Variants in PGS1 observed in about 807,000 individuals in gnomAD.
PGS1 encodes CDP-diacylglycerol--glycerol-3-phosphate 3-phosphatidyltransferase, mitochondrial.
A neutral mutation model predicts 58.3 loss-of-function variants in PGS1; 44 were observed. The ratio of observed to expected loss-of-function variants is 0.75; its 90% CI spans 0.59 to 0.97. The LOEUF (loss-of-function observed/expected upper bound fraction) is 0.97. PGS1 is among the 50% of genes least tolerant of loss of function. The pLI, the probability that PGS1 is intolerant of heterozygous loss-of-function variation, is 0.00. For synonymous variants in PGS1, 330 were observed against 311.0 expected, an observed-to-expected ratio of 1.06 and a Z score of -0.64; for missense variants, 684 against 731.1, an observed-to-expected ratio of 0.94 and a Z score of 0.74.
intron 3 of PGS1, chr17:78,398,003 G>A (rs941955173): frequency 1.7e-6 from 1 of 581,944 alleles, no homozygotes; most frequent in Non-Finnish European, 3.2e-6. Flanking sequence ...CAGGCAGCAC[G>A]CCTCTGCCTG....
At chr17:78,419,752 A>G in intron 9 of PGS1, 77 bp downstream of exon 9, 1 of 1,589,162 alleles carries the variant, frequency 6.3e-7, no homozygotes, top group Non-Finnish European at 8.6e-7. Context: ...TTCTGACTCA[A>G]CCAGAGCTTC....
chr17:78,392,774 A>T lies in PGS1; in HGVS notation c.333+109A>T, dbSNP rs2082921324. The T allele has an allele frequency of 4.8e-6, 4 of 830,134 alleles. No individual in the cohort carries two copies. The East Asian group carries it at 7.6e-5, about 16-fold the overall frequency. The allele number at this position is 830,134 out of a possible 1,614,324, so 51.4% of individuals were successfully genotyped here. A position where few individuals can be genotyped will look rare whatever the true frequency, so the allele number is the denominator to read the frequency against. ...AAACTTTGGATAGCTGCTCAAGCTTATTCCTTCTGGGTTTTACCTGTCAGG... is the reference window on the plus strand; with the variant it reads ...AAACTTTGGATAGCTGCTCAAGCTTTTTCCTTCTGGGTTTTACCTGTCAGG... On this transcript the variant is annotated intron_variant, in intron 2 of 9. Transcript: ENST00000262764.
At chr17:78,399,281 G>T in intron 4 of PGS1, 67 bp from the exon 5 acceptor site, 1 of 1,264,198 alleles carries the variant, frequency 7.9e-7, no homozygotes, top group South Asian at 1.2e-5. Context: ...CGTGGAGGTG[G>T]CTCCTCATTG....
intron 1 of PGS1, among the ~76,000 whole-genome samples, chr17:78,392,088 A>C (rs767679947): frequency 6.6e-6 from 1 of 152,158 alleles, no homozygotes; most frequent in African/African-American, 2.4e-5. Context: ...CTGCAGGCAA[A>C]TATTTTTGAG....
chr17:78,403,360 A>G (rs2083847887), intron 6 of PGS1, among the ~76,000 whole-genome samples: 1 of 152,142 alleles, frequency 6.6e-6, no homozygotes. Context: ...AGTGTGGGCT[A>G]CTGTGGACCA....
intron 7 of PGS1, among the ~76,000 whole-genome samples, chr17:78,410,954 A>G (rs1270390634): frequency 6.6e-6 from 1 of 152,122 alleles, no homozygotes; most frequent in East Asian, 1.9e-4. Flanking sequence ...TAAGGCTTAT[A>G]CTTTGATGGA....
chr17:78,411,651 C>T (rs1250669255), intron 7 of PGS1, among the ~76,000 whole-genome samples: 2 of 152,170 alleles, frequency 1.3e-5, no homozygotes, highest in Non-Finnish European at 2.9e-5. Flanking sequence ...ACGTCTCCCT[C>T]ATCTGATGGT....
At chr17:78,419,777 A>G (rs1202835177) in intron 9 of PGS1, 102 bp downstream of exon 9, 8 of 1,563,686 alleles carry the variant, frequency 5.1e-6, no homozygotes, top group Non-Finnish European at 6.9e-6. Flanking sequence ...GGGCTCTTTG[A>G]TCCCTTTCTC....
intron 2 of PGS1, among the ~76,000 whole-genome samples, chr17:78,394,170 TCCC>T (rs1386407587): frequency 1.4e-5 from 1 of 73,478 alleles, no homozygotes; most frequent in African/African-American, 5.7e-5. Flanking sequence ...AGACTCTATC[TCCC>T]AAAAAAAAAA....
rs1406018465 is a variant in PGS1, at chr17:78,424,535, A to G, written c.*485A>G. 5.1e-6 allele frequency: 1 copy of G among 196,302 alleles called. No homozygotes were observed. The highest frequency in any genetic ancestry group is 2.3e-5 in the African/African-American group (1 of 43,060). 12.2% of individuals were successfully genotyped at this position (196,302 alleles called of 1,614,324 possible). A position where few individuals can be genotyped will look rare whatever the true frequency, so the allele number is the denominator to read the frequency against. Reference sequence around the variant, plus strand: ...TCTGCCCTATGTGTACATACACAATATAATTATACATCTGTGCATATAAAT... The same window carrying G: ...TCTGCCCTATGTGTACATACACAATGTAATTATACATCTGTGCATATAAAT... On this transcript the variant is annotated 3_prime_UTR_variant, in exon 10 of 10. Transcript: ENST00000262764.
rs1335147968 is a variant in PGS1, at chr17:78,399,546, T to A, written c.701+9T>A. ...AGCGTCATCTTGAGCGGGTGAGTGC[T>A]TCCCACCGTCAGTGCTTTTGCCCTC... On this transcript the variant is annotated intron_variant, in intron 5 of 9. Coordinates refer to ENST00000262764, the MANE Select transcript of PGS1 (RefSeq NM_024419.5). 5.0e-6 allele frequency: 8 copies of A among 1,613,528 alleles called. No individual in the cohort carries two copies. In the South Asian group the frequency reaches 7.7e-5, roughly 16 times the overall value.
At chr17:78,406,143 T>C (rs1334361472) in intron 7 of PGS1, among the ~76,000 whole-genome samples, 1 of 151,986 alleles carries the variant, frequency 6.6e-6, no homozygotes, top group Non-Finnish European at 1.5e-5. Flanking sequence ...GGTGAAACCC[T>C]GTTTCTACTA....
chr17:78,422,024 TTAGAGA>T (rs1411270527), intron 9 of PGS1: 2 of 152,218 alleles, frequency 1.3e-5, no homozygotes, highest in Non-Finnish European at 2.9e-5. Flanking sequence ...CTTGGAAAGT[TTAGAGA>T]TAATTTTGTC....
chr17:78,387,303 C>CT (rs552622170), intron 1 of PGS1, among the ~76,000 whole-genome samples: 3,374 of 144,532 alleles, frequency 0.023, 101 homozygotes, highest in African/African-American at 0.076. Flanking sequence ...TGCGCCCAGC[C>CT]TTTTTTTTTT....
At chr17:78,397,498 G>A (rs552429507) in intron 3 of PGS1, among the ~76,000 whole-genome samples, 44 of 151,932 alleles carry the variant, frequency 2.9e-4, no homozygotes, top group African/African-American at 1.0e-3. Context: ...GTGCAATGGC[G>A]CGATCTCGGC....
chr17:78,419,481 A>C (rs927519081), intron 8 of PGS1, 65 bp from the exon 9 acceptor site: 51 of 1,386,270 alleles, frequency 3.7e-5, no homozygotes, highest in Middle Eastern at 2.3e-4. Flanking sequence ...GGCTGGGGCC[A>C]GCCGGCCATG....
chr17:78,396,463 T>C (rs1034413413), intron 3 of PGS1, 78 bp downstream of exon 3: 15 of 1,050,444 alleles, frequency 1.4e-5, no homozygotes, highest in Admixed American at 9.0e-5. Context: ...TGCCATGCAG[T>C]TGGTGTGGAG....
At chr17:78,382,682 GC>G in intron 1 of PGS1, 1 of 121,898 alleles carries the variant, frequency 8.2e-6, no homozygotes, top group South Asian at 2.8e-4. Context: ...CCACTCTGTC[GC>G]CCAGGCTGGA....
In PGS1 at chr17:78,398,337, C is replaced by G. The variant is rs377492068; in HGVS notation, c.497C>G (p.Thr166Arg). 8 of 1,612,950 alleles carry G rather than the reference C, an allele frequency of 5.0e-6. No homozygotes were observed. The highest frequency in any genetic ancestry group is 4.2e-6 in the Non-Finnish European group (5 of 1,179,128). Reference protein sequence around the residue: ...NLKVSILLDFTRGSRGRKNSR... With the variant: ...NLKVSILLDFRRGSRGRKNSR... ...AAGGTCTCCATTCTCTTAGACTTCA[C>G]GCGGGGCTCACGAGGTAGGTGGCAT... The change falls in exon 4 of 10, where the codon ACG becomes AGG. Residue 166 changes from threonine (T) to arginine (R), a missense_variant. Transcript: ENST00000262764.
Sources: gnomAD v4.1 joint callset for allele counts (sites outside exome capture counted in the v4.1 genomes callset) on GRCh38, gnomAD v4.1.1 for gene constraint, MANE v1.5 for transcripts, NCBI Gene and HGNC (gene_info 2026-07-23, HGNC 2026-07-21) for gene names.